Variants in DMXL2 observed in about 807,000 individuals in gnomAD.
The protein encoded by DMXL2 is dmX-like protein 2.
DMXL2 carries 103 observed loss-of-function variants against 331.1 expected under a neutral mutation model. That is an observed-to-expected ratio of 0.31 (90% CI 0.27 to 0.37). DMXL2 has a LOEUF of 0.37. Ranked by LOEUF, DMXL2 falls within the 10% of genes least tolerant of loss-of-function variation. The probability of loss-of-function intolerance (pLI) is 1.00; values close to 1 mark genes in which losing one functional copy is unlikely to be tolerated. For missense variants in DMXL2, 3,171 were observed against 3,642.9 expected, an observed-to-expected ratio of 0.87 and a Z score of 3.33; for synonymous variants, 1,281 against 1,252.1, an observed-to-expected ratio of 1.02 and a Z score of -0.49.
intron 4 of DMXL2, 75 bp from the exon 5 acceptor site, chr15:51,564,335 G>T (rs1008378992): frequency 8.6e-7 from 1 of 1,159,762 alleles, no homozygotes; most frequent in Non-Finnish European, 1.2e-6. Context: ...CTTCTGTTTA[G>T]ATCTGTAAAC....
intron 8 of DMXL2, among the ~76,000 whole-genome samples, chr15:51,544,152 T>C (rs2048761049): frequency 6.6e-6 from 1 of 152,198 alleles, no homozygotes; most frequent in Admixed American, 6.5e-5. Flanking sequence ...TTTAGATACT[T>C]GACCCTGCCT....
chr15:51,582,393 TA>T (rs1379778400), intron 1 of DMXL2, among the ~76,000 whole-genome samples: 1 of 152,174 alleles, frequency 6.6e-6, no homozygotes, highest in African/African-American at 2.4e-5. Context: ...TAATTGCATT[TA>T]AATTCTTCAC....
chr15:51,502,542 C>A (rs1439633960), intron 17 of DMXL2, among the ~76,000 whole-genome samples: 1 of 152,052 alleles, frequency 6.6e-6, no homozygotes. Flanking sequence ...AGGGTGGTCT[C>A]GAACTACTGA....
chr15:51,514,375 C>G (rs994418612), intron 15 of DMXL2, 67 bp downstream of exon 15: 12 of 893,734 alleles, frequency 1.3e-5, no homozygotes, highest in Non-Finnish European at 1.9e-5. Context: ...GATCCATACT[C>G]AGTGAAAACT....
intron 31 of DMXL2, among the ~76,000 whole-genome samples, chr15:51,465,129 C>G (rs2040457692): frequency 6.6e-6 from 1 of 152,272 alleles, no homozygotes; most frequent in South Asian, 2.1e-4. Flanking sequence ...GGTGTGGTGG[C>G]TCACACTTGT....
At chr15:51,453,419 A>G (rs1394806374) in intron 41 of DMXL2, 131 bp downstream of exon 41, 1 of 585,402 alleles carries the variant, frequency 1.7e-6, no homozygotes, top group South Asian at 3.6e-5. Flanking sequence ...CTCTGAAATA[A>G]GAATTATGTA....
At chr15:51,467,275 G>C (rs2040668566) in intron 29 of DMXL2, among the ~76,000 whole-genome samples, 1 of 152,028 alleles carries the variant, frequency 6.6e-6, no homozygotes, top group Non-Finnish European at 1.5e-5. Context: ...GGAAATGTAT[G>C]GATAGATCTA....
At position 51,479,992 on chromosome 15, in the gene DMXL2, C is replaced by T; in HGVS notation, c.6712G>A (p.Val2238Ile). ...NHIHDILYTIVQMKTPPHPSI... is the reference protein window; with the variant it reads ...NHIHDILYTIIQMKTPPHPSI... ...GGATGAGGTGGTGTTTTCATCTGAA[C>T]AATAGTATAAAGTATATCATGGATG... The change falls in exon 25 of 44, where the codon GTT becomes ATT. Residue 2238 changes from valine to isoleucine, a missense_variant. Transcript: ENST00000560891. 6.5e-7 allele frequency: 1 copy of T among 1,549,212 alleles called. No individual in the cohort carries two copies. Among genetic ancestry groups the T allele is most frequent in the Non-Finnish European group, 8.8e-7 (1 of 1,135,446 alleles).
intron 33 of DMXL2, among the ~76,000 whole-genome samples, chr15:51,461,575 G>C (rs889621948): frequency 1.3e-5 from 2 of 152,144 alleles, no homozygotes; most frequent in Non-Finnish European, 2.9e-5. Context: ...TTAAGACAGG[G>C]TCTCACTTTG....
intron 27 of DMXL2, 141 bp downstream of exon 27, chr15:51,476,448 A>G (rs2041589296): frequency 4.2e-6 from 4 of 951,954 alleles, no homozygotes; most frequent in Non-Finnish European, 6.3e-6. Context: ...CCTAATCCAT[A>G]GCAGAAAAAC....
At chr15:51,555,165 C>CA (rs1322260750) in intron 6 of DMXL2, among the ~76,000 whole-genome samples, 1 of 152,096 alleles carries the variant, frequency 6.6e-6, no homozygotes, top group African/African-American at 2.4e-5. Context: ...CTCAAAAAAA[C>CA]AATTTTTTAA....
chr15:51,545,940 G>A (rs537779748), intron 7 of DMXL2, among the ~76,000 whole-genome samples, 174 bp from the exon 8 acceptor site: 5 of 152,144 alleles, frequency 3.3e-5, no homozygotes, highest in South Asian at 2.1e-4. Context: ...CATAAGAACC[G>A]GGAAATTGTT....
intron 6 of DMXL2, among the ~76,000 whole-genome samples, chr15:51,553,593 G>A (rs1000437576): frequency 6.6e-6 from 1 of 152,128 alleles, no homozygotes; most frequent in East Asian, 1.9e-4. Flanking sequence ...ACCCAAGACA[G>A]CAAGACCAAC....
intron 24 of DMXL2, 147 bp from the exon 25 acceptor site, chr15:51,480,286 C>A: frequency 2.3e-6 from 2 of 872,294 alleles, no homozygotes; most frequent in Admixed American, 2.9e-5. Context: ...CAGTATGTAC[C>A]AGGTACTATG....
intron 2 of DMXL2, among the ~76,000 whole-genome samples, chr15:51,575,506 T>C (rs896655368): frequency 6.6e-6 from 1 of 152,020 alleles, no homozygotes; most frequent in African/African-American, 2.4e-5. Context: ...TGTTTGAAAA[T>C]TGGGGGAGAG....
At chr15:51,461,935 T>C (rs1227100786) in intron 33 of DMXL2, among the ~76,000 whole-genome samples, 1 of 152,184 alleles carries the variant, frequency 6.6e-6, no homozygotes, top group Non-Finnish European at 1.5e-5. Context: ...TACACAGTGG[T>C]TTAAATGACA....
chr15:51,533,142 C>T (rs1287277844), intron 13 of DMXL2, among the ~76,000 whole-genome samples: 1 of 152,058 alleles, frequency 6.6e-6, no homozygotes, highest in South Asian at 2.1e-4. Flanking sequence ...GACATGCATG[C>T]TGAAGACCAC....
intron 2 of DMXL2, among the ~76,000 whole-genome samples, chr15:51,574,613 G>C (rs2050893508): frequency 6.6e-6 from 1 of 152,156 alleles, no homozygotes; most frequent in African/African-American, 2.4e-5. Context: ...ATCAATGAAT[G>C]AATGATTATA....
At chr15:51,464,926 T>TCA in intron 31 of DMXL2, 50 bp from the exon 32 acceptor site, 1 of 1,438,484 alleles carries the variant, frequency 7.0e-7, no homozygotes, top group Non-Finnish European at 9.6e-7. Flanking sequence ...ATATCGATCA[T>TCA]CACCCAAATA....
Sources: gnomAD v4.1 joint callset for allele counts (sites outside exome capture counted in the v4.1 genomes callset) on GRCh38, gnomAD v4.1.1 for gene constraint, MANE v1.5 for transcripts, NCBI Gene and HGNC (gene_info 2026-07-23, HGNC 2026-07-21) for gene names.